SLC35F3: variants seen among roughly 807,000 people sequenced by gnomAD.
SLC35F3 encodes putative thiamine transporter SLC35F3.
SLC35F3 carries 25 observed loss-of-function variants against 49.9 expected under a neutral mutation model. The observed-to-expected ratio is 0.50, with a 90% CI of 0.37 to 0.70. The LOEUF is 0.70. SLC35F3 is among the 30% of genes least tolerant of loss of function. The pLI, the probability that SLC35F3 is intolerant of heterozygous loss-of-function variation, is 0.00. For synonymous variants in SLC35F3, 275 were observed against 265.4 expected (o/e 1.04, Z -0.35); for missense variants, 525 against 639.8 (o/e 0.82, Z 1.94).
intron 2 of SLC35F3, among the ~76,000 whole-genome samples, chr1:234,140,495 C>T (rs140133481): frequency 6.6e-5 from 10 of 152,240 alleles, no homozygotes; most frequent in Non-Finnish European, 1.5e-4. Flanking sequence ...TTGCAGGATT[C>T]GGTACTGGCC....
chr1:234,062,960 A>G (rs1367796154), intron 2 of SLC35F3, among the ~76,000 whole-genome samples: 1 of 151,026 alleles, frequency 6.6e-6, no homozygotes, highest in African/African-American at 2.4e-5. Flanking sequence ...AAGTGCTGGG[A>G]TTACAGGTGT....
At chr1:234,223,794 A>T (rs1215684998) in intron 2 of SLC35F3, among the ~76,000 whole-genome samples, 1 of 152,114 alleles carries the variant, frequency 6.6e-6, no homozygotes, top group Non-Finnish European at 1.5e-5. Context: ...ATAGCTTTTA[A>T]AAAAGGACAT....
intron 4 of SLC35F3, among the ~76,000 whole-genome samples, chr1:234,314,661 C>G (rs1657442212): frequency 6.6e-6 from 1 of 152,200 alleles, no homozygotes; most frequent in Non-Finnish European, 1.5e-5. Context: ...ACTCAGGAGG[C>G]TGAGGCAGGA....
At chr1:234,280,176 C>T (rs942271035) in intron 3 of SLC35F3, among the ~76,000 whole-genome samples, 5 of 152,232 alleles carry the variant, frequency 3.3e-5, no homozygotes, top group Non-Finnish European at 7.3e-5. Flanking sequence ...TCATTGGCTT[C>T]AATCCATTGC....
intron 2 of SLC35F3, among the ~76,000 whole-genome samples, chr1:233,926,787 C>T (rs1662167429): frequency 3.3e-5 from 5 of 152,154 alleles, no homozygotes; most frequent in Admixed American, 2.6e-4. Flanking sequence ...TACCTTTGGT[C>T]TTTGATGATG....
intron 2 of SLC35F3, among the ~76,000 whole-genome samples, chr1:234,093,134 T>TTA (rs1433611263): frequency 6.6e-6 from 1 of 152,204 alleles, no homozygotes; most frequent in Non-Finnish European, 1.5e-5. Flanking sequence ...CATGAGCTAA[T>TTA]TGTATATATC....
chr1:233,908,125 CTTTA>C (rs1661805465), intron 2 of SLC35F3, among the ~76,000 whole-genome samples: 1 of 151,412 alleles, frequency 6.6e-6, no homozygotes, highest in Non-Finnish European at 1.5e-5. Context: ...CACCTAGTTG[CTTTA>C]TTTGTTGGTT....
chr1:234,049,072 G>A (rs1463397101), intron 2 of SLC35F3, among the ~76,000 whole-genome samples: 4 of 152,034 alleles, frequency 2.6e-5, no homozygotes, highest in African/African-American at 9.7e-5. Flanking sequence ...ATGAAACTTT[G>A]GGCTTTAGAC....
chr1:234,287,526 A>G (rs987987863), intron 3 of SLC35F3, among the ~76,000 whole-genome samples: 9 of 152,230 alleles, frequency 5.9e-5, no homozygotes, highest in Non-Finnish European at 1.3e-4. Context: ...ACATTTATTG[A>G]ATACTTACTA....
At chr1:234,042,979 T>C (rs979622264) in intron 2 of SLC35F3, among the ~76,000 whole-genome samples, 5 of 152,256 alleles carry the variant, frequency 3.3e-5, no homozygotes, top group African/African-American at 1.2e-4. Context: ...GTCTAAGTAA[T>C]ATGCTTATAA....
intron 2 of SLC35F3, among the ~76,000 whole-genome samples, chr1:234,008,674 C>G (rs555181882): frequency 6.6e-6 from 1 of 152,280 alleles, no homozygotes; most frequent in South Asian, 2.1e-4. Context: ...GAAGAGTTTC[C>G]AAGTACAGCC....
intron 4 of SLC35F3, among the ~76,000 whole-genome samples, chr1:234,314,338 C>A (rs946604931): frequency 3.3e-5 from 5 of 152,190 alleles, no homozygotes; most frequent in African/African-American, 1.2e-4. Context: ...ATTATTTAAT[C>A]AATAGAGAAC....
At chr1:234,208,251 T>C (rs1199853361) in intron 2 of SLC35F3, among the ~76,000 whole-genome samples, 1 of 152,202 alleles carries the variant, frequency 6.6e-6, no homozygotes, top group Non-Finnish European at 1.5e-5. Context: ...AGCAAATGGA[T>C]TGATGCCTTA....
chr1:233,973,263 C>G (rs1425496769), intron 2 of SLC35F3, among the ~76,000 whole-genome samples: 1 of 152,182 alleles, frequency 6.6e-6, no homozygotes, highest in Non-Finnish European at 1.5e-5. Flanking sequence ...ACTTCACAGT[C>G]TGGGCACCTC....
chr1:233,997,754 CT>C (rs1217671884), intron 2 of SLC35F3, among the ~76,000 whole-genome samples: 2 of 149,612 alleles, frequency 1.3e-5, no homozygotes, highest in South Asian at 2.1e-4. Context: ...TATTTTCTTT[CT>C]TTTTTTTTTC....
chr1:234,240,021 T>C (rs1352797414), intron 3 of SLC35F3, among the ~76,000 whole-genome samples: 3 of 152,200 alleles, frequency 2.0e-5, no homozygotes, highest in Non-Finnish European at 4.4e-5. Context: ...AAACTGTTCT[T>C]GGTCCAGGGA....
intron 2 of SLC35F3, among the ~76,000 whole-genome samples, chr1:234,036,022 G>A (rs151199803): frequency 5.9e-4 from 90 of 152,272 alleles, no homozygotes; most frequent in African/African-American, 2.1e-3. Context: ...CTGAGCTCAT[G>A]GGTTAGAATG....
In SLC35F3 at chr1:233,922,598, G is replaced by T. The variant is rs560078654; in HGVS notation, c.283+16840G>T. Among the ~76,000 whole-genome samples the T allele has an allele frequency of 6.0e-5, 9 of 149,368 alleles. No individual in the cohort carries two copies. The South Asian group carries it at 6.4e-4, about 11-fold the overall frequency. ...AAAATTTTCTCCCATTCTGTAGGTTGCCTGTTCACTCTGATGGTAGTTTCT... is the reference window on the plus strand; with the variant it reads ...AAAATTTTCTCCCATTCTGTAGGTTTCCTGTTCACTCTGATGGTAGTTTCT... On this transcript the variant is annotated intron_variant, in intron 2 of 7. Coordinates refer to ENST00000366618, the MANE Select transcript of SLC35F3 (RefSeq NM_173508.4).
At chr1:234,275,033 C>G (rs1668177952) in intron 3 of SLC35F3, among the ~76,000 whole-genome samples, 1 of 152,216 alleles carries the variant, frequency 6.6e-6, no homozygotes, top group Non-Finnish European at 1.5e-5. Flanking sequence ...TATATTGCCA[C>G]AACCCTTCTG....
Sources: gnomAD v4.1 joint callset for allele counts (sites outside exome capture counted in the v4.1 genomes callset) on GRCh38, gnomAD v4.1.1 for gene constraint, MANE v1.5 for transcripts, NCBI Gene and HGNC (gene_info 2026-07-23, HGNC 2026-07-21) for gene names.